Variants in AUTS2 observed in about 807,000 individuals in gnomAD.
The protein encoded by AUTS2 is activator of transcription and developmental regulator AUTS2.
A neutral mutation model predicts 112.4 loss-of-function variants in AUTS2; 17 were observed. The ratio of observed to expected loss-of-function variants is 0.15; its 90% confidence interval spans 0.10 to 0.23. The LOEUF is 0.23. AUTS2 is among the 10% of genes least tolerant of loss of function. The probability of loss-of-function intolerance (pLI) is 1.00; values close to 1 mark genes in which losing one functional copy is unlikely to be tolerated. For missense variants in AUTS2, 1,510 were observed against 1,701.6 expected (o/e 0.89, Z 1.98); for synonymous variants, 751 against 702.7 (o/e 1.07, Z -1.09).
rs551671372 is a variant in AUTS2 at position 70,393,899 on chromosome 7, G to A, written c.661-41853G>A. Among the ~76,000 whole-genome samples, 12 of 152,242 alleles carry A rather than the reference G, an allele frequency of 7.9e-5. No individual in the cohort carries two copies. In the East Asian group the frequency reaches 2.3e-3, roughly 29 times the overall value. Reference sequence around the variant, plus strand: ...AGAGAGTGAGCCAATGACACCTCATGGCAAGCAGCAGCATGAAGCATTTTC... The same window carrying A: ...AGAGAGTGAGCCAATGACACCTCATAGCAAGCAGCAGCATGAAGCATTTTC... On this transcript the variant is annotated intron_variant, in intron 4 of 18. Coordinates refer to ENST00000342771, the MANE Select transcript of AUTS2 (RefSeq NM_015570.4).
chr7:69,862,140 G>A (rs17140982), intron 1 of AUTS2, among the ~76,000 whole-genome samples: 52,808 of 152,018 alleles, frequency 0.35, 9,643 homozygotes, highest in African/African-American at 0.46. Flanking sequence ...CCTGATGTCT[G>A]TTCAGAATGC....
At chr7:69,874,288 T>C (rs1192702623) in intron 1 of AUTS2, among the ~76,000 whole-genome samples, 3 of 152,088 alleles carry the variant, frequency 2.0e-5, no homozygotes, top group East Asian at 3.9e-4. Context: ...TAAAGTAGTT[T>C]AGCATGTCTG....
chr7:70,421,161 C>T (rs1035034254), intron 4 of AUTS2, among the ~76,000 whole-genome samples: 9 of 152,034 alleles, frequency 5.9e-5, no homozygotes, highest in African/African-American at 2.2e-4. Flanking sequence ...GTAGGATAGC[C>T]CTCTTTCTTC....
chr7:70,711,428 A>G (rs925191834), intron 6 of AUTS2, among the ~76,000 whole-genome samples: 15 of 152,300 alleles, frequency 9.8e-5, no homozygotes, highest in African/African-American at 3.4e-4. Flanking sequence ...TGAGGGCCTC[A>G]TTATGCTTTC....
intron 5 of AUTS2, among the ~76,000 whole-genome samples, chr7:70,584,422 G>C (rs1436719600): frequency 1.3e-5 from 2 of 152,198 alleles, no homozygotes; most frequent in South Asian, 4.1e-4. Flanking sequence ...TTTATTTCTA[G>C]GGTTTCATTC....
At chr7:70,518,187 A>G (rs1403654874) in intron 5 of AUTS2, among the ~76,000 whole-genome samples, 1 of 152,214 alleles carries the variant, frequency 6.6e-6, no homozygotes. Flanking sequence ...AGGTCTCCAA[A>G]TGTACTTCTA....
At chr7:70,721,145 T>G (rs898502094) in intron 6 of AUTS2, among the ~76,000 whole-genome samples, 1 of 152,056 alleles carries the variant, frequency 6.6e-6, no homozygotes, top group Non-Finnish European at 1.5e-5. Flanking sequence ...TCTGCTCTAC[T>G]GGGCTCCTGA....
chr7:70,159,798 T>C (rs1807980485), intron 4 of AUTS2, among the ~76,000 whole-genome samples: 1 of 152,212 alleles, frequency 6.6e-6, no homozygotes, highest in South Asian at 2.1e-4. Flanking sequence ...ATGTCTTCAT[T>C]AAGCATCACT....
chr7:70,778,582 AAAG>A (rs1327876035), intron 14 of AUTS2, among the ~76,000 whole-genome samples: 6 of 105,504 alleles, frequency 5.7e-5, no homozygotes, highest in Non-Finnish European at 4.3e-5. Context: ...AAAAAAAAAA[AAAG>A]AGTAAAAAAT....
At chr7:70,756,367 A>G (rs1310111258) in intron 6 of AUTS2, among the ~76,000 whole-genome samples, 1 of 152,198 alleles carries the variant, frequency 6.6e-6, no homozygotes, top group Non-Finnish European at 1.5e-5. Context: ...GCAGTAAGTC[A>G]TTGGACTTTT....
chr7:70,130,306 A>G (rs1003191955), intron 3 of AUTS2, among the ~76,000 whole-genome samples: 8 of 152,210 alleles, frequency 5.3e-5, no homozygotes, highest in African/African-American at 1.9e-4. Context: ...TAATGAATGG[A>G]GCACATCTAT....
At chr7:69,818,366 A>G (rs1252766375) in intron 1 of AUTS2, among the ~76,000 whole-genome samples, 1 of 152,172 alleles carries the variant, frequency 6.6e-6, no homozygotes, top group Non-Finnish European at 1.5e-5. Context: ...ATGATAATAA[A>G]TAGAGAGCTG....
At chr7:69,913,750 T>G (rs548958439) in intron 2 of AUTS2, among the ~76,000 whole-genome samples, 4 of 152,192 alleles carry the variant, frequency 2.6e-5, no homozygotes, top group Admixed American at 6.5e-5. Flanking sequence ...GGTATTCAGA[T>G]TGAAAATCAG....
At chr7:69,900,489 T>C (rs1040434634) in intron 2 of AUTS2, among the ~76,000 whole-genome samples, 4 of 152,228 alleles carry the variant, frequency 2.6e-5, no homozygotes, top group Non-Finnish European at 5.9e-5. Context: ...AATCATATAA[T>C]GAGAGCTACT....
chr7:69,671,135 C>A (rs1027813160), intron 1 of AUTS2, among the ~76,000 whole-genome samples: 2 of 152,132 alleles, frequency 1.3e-5, no homozygotes, highest in African/African-American at 4.8e-5. Context: ...TATAACTAAG[C>A]AGTGTGGCTG....
intron 4 of AUTS2, among the ~76,000 whole-genome samples, chr7:70,226,036 A>G (rs934650212): frequency 5.9e-5 from 9 of 152,250 alleles, no homozygotes; most frequent in African/African-American, 2.2e-4. Flanking sequence ...TAATCAAAGC[A>G]GAGCAACCAG....
chr7:70,579,717 T>C (rs1057097266), intron 5 of AUTS2, among the ~76,000 whole-genome samples: 1 of 152,200 alleles, frequency 6.6e-6, no homozygotes, highest in Non-Finnish European at 1.5e-5. Flanking sequence ...GTGATGGAAT[T>C]CATCTTGTAA....
intron 6 of AUTS2, among the ~76,000 whole-genome samples, chr7:70,719,294 G>A (rs1175839961): frequency 6.6e-6 from 1 of 152,154 alleles, no homozygotes; most frequent in Non-Finnish European, 1.5e-5. Flanking sequence ...TAAAAGGAGT[G>A]TACACTGTAA....
chr7:70,789,603 C>G, intron 18 of AUTS2, 145 bp from the exon 19 acceptor site: 1 of 924,194 alleles, frequency 1.1e-6, no homozygotes, highest in Non-Finnish European at 1.6e-6. Flanking sequence ...TCTGCCCTGT[C>G]CAGGGCACGG....
Sources: allele counts gnomAD v4.1 joint callset (sites outside exome capture counted in the v4.1 genomes callset), GRCh38; gene constraint gnomAD v4.1.1; transcripts MANE v1.5; gene names NCBI Gene and HGNC (gene_info 2026-07-23, HGNC 2026-07-21).